The following FRY variants were observed in gnomAD, a reference collection of about 807,000 sequenced individuals.
The protein encoded by FRY is FRY microtubule binding protein, also known as protein furry homolog.
FRY carries 128 observed loss-of-function variants against 348.4 expected under a neutral mutation model. That is an observed-to-expected ratio of 0.37 (90% confidence interval 0.32 to 0.43). The LOEUF is 0.43. Ranked by LOEUF, FRY falls within the 20% of genes least tolerant of loss-of-function variation. The probability of loss-of-function intolerance (pLI) is 1.00; values close to 1 mark genes in which losing one functional copy is unlikely to be tolerated. For synonymous variants in FRY, 1,370 were observed against 1,374.7 expected (o/e 1.00, Z 0.08); for missense variants, 2,736 against 3,695.2 (o/e 0.74, Z 6.73).
chr13:32,156,195 A>G (rs1881095789), intron 15 of FRY, among the ~76,000 whole-genome samples: 1 of 152,232 alleles, frequency 6.6e-6, no homozygotes, highest in Non-Finnish European at 1.5e-5. Context: ...AAATGTAGAC[A>G]CCTACTACAA....
chr13:32,066,191 TA>T (rs1874248795), intron 1 of FRY, among the ~76,000 whole-genome samples: 1 of 152,238 alleles, frequency 6.6e-6, no homozygotes, highest in Non-Finnish European at 1.5e-5. Flanking sequence ...CCTTGACCTG[TA>T]GAAACTGGTA....
intron 3 of FRY, among the ~76,000 whole-genome samples, chr13:32,105,329 C>T (rs1311270830): frequency 6.6e-6 from 1 of 152,198 alleles, no homozygotes; most frequent in Non-Finnish European, 1.5e-5. Flanking sequence ...GAAGTAGAGA[C>T]CGAACCTTCA....
At chr13:32,242,508 C>A (rs2138475231) in intron 46 of FRY, among the ~76,000 whole-genome samples, 1 of 151,996 alleles carries the variant, frequency 6.6e-6, no homozygotes, top group East Asian at 1.9e-4. Context: ...TATAGATTTA[C>A]ATAATTATTT....
intron 43 of FRY, 47 bp downstream of exon 43, chr13:32,236,219 G>T (rs1271488061): frequency 1.8e-5 from 23 of 1,278,190 alleles, no homozygotes; most frequent in Non-Finnish European, 2.6e-5. Flanking sequence ...TACTGCACAG[G>T]AGTATTTGGG....
chr13:32,216,113 C>T (rs189752909), intron 35 of FRY, among the ~76,000 whole-genome samples: 4 of 152,206 alleles, frequency 2.6e-5, no homozygotes, highest in African/African-American at 9.6e-5. Flanking sequence ...CTGAGGGGAA[C>T]ATTTCATCCT....
intron 7 of FRY, 90 bp from the exon 8 acceptor site, chr13:32,131,582 C>T: frequency 1.2e-6 from 1 of 861,406 alleles, no homozygotes; most frequent in Non-Finnish European, 2.0e-6. Context: ...GATTCCATTG[C>T]TCTGCTCAAT....
At chr13:32,280,311 A>ACAATATTGTGTATACACAATATACAC (rs1888745870) in intron 58 of FRY, among the ~76,000 whole-genome samples, 1 of 152,258 alleles carries the variant, frequency 6.6e-6, no homozygotes, top group African/African-American at 2.4e-5. Context: ...TATACAGTTC[A>ACAATATTGTGTATACACAATATACAC]AAAATCACAA....
intron 11 of FRY, among the ~76,000 whole-genome samples, chr13:32,142,083 A>G (rs1880107392): frequency 6.6e-6 from 1 of 152,194 alleles, no homozygotes; most frequent in Non-Finnish European, 1.5e-5. Context: ...AAATGTCTGC[A>G]TCCTGAAAAT....
intron 1 of FRY, among the ~76,000 whole-genome samples, chr13:32,047,734 C>A (rs977274578): frequency 3.7e-5 from 3 of 81,682 alleles, no homozygotes; most frequent in African/African-American, 5.4e-5. Flanking sequence ...CCACTCCTGG[C>A]TAGTTTTTTT....
intron 11 of FRY, among the ~76,000 whole-genome samples, chr13:32,146,789 A>G (rs1388831909): frequency 2.0e-5 from 3 of 152,180 alleles, no homozygotes; most frequent in Non-Finnish European, 4.4e-5. Flanking sequence ...GGAAAGGATT[A>G]TCTTTTATCT....
chr13:32,226,057 T>C (rs778244376), intron 39 of FRY, 83 bp downstream of exon 39: 23 of 1,192,516 alleles, frequency 1.9e-5, no homozygotes, highest in Non-Finnish European at 2.5e-5. Context: ...GAGCCCAAGT[T>C]AACTTCTCTC....
At chr13:32,275,683 T>A (rs980798790) in intron 56 of FRY, among the ~76,000 whole-genome samples, 6 of 152,154 alleles carry the variant, frequency 3.9e-5, no homozygotes, top group Non-Finnish European at 8.8e-5. Flanking sequence ...AGAGGCAACA[T>A]GTCAATCAGT....
chr13:32,085,647 T>C (rs1446322526), intron 2 of FRY, among the ~76,000 whole-genome samples: 1 of 152,154 alleles, frequency 6.6e-6, no homozygotes, highest in Admixed American at 6.5e-5. Context: ...TAGGAGATGC[T>C]CATTTGTCCT....
At chr13:32,281,292 A>G (rs974738044) in intron 58 of FRY, among the ~76,000 whole-genome samples, 2 of 152,214 alleles carry the variant, frequency 1.3e-5, no homozygotes, top group Non-Finnish European at 2.9e-5. Context: ...CCATTTTGCA[A>G]CTAAGAAAAC....
chr13:32,084,481 C>G (rs544033399), intron 2 of FRY, among the ~76,000 whole-genome samples: 1 of 152,238 alleles, frequency 6.6e-6, no homozygotes, highest in African/African-American at 2.4e-5. Flanking sequence ...TTCTGCCTAC[C>G]CTTTAAGGCC....
intron 11 of FRY, among the ~76,000 whole-genome samples, chr13:32,144,752 A>G (rs1880295793): frequency 6.6e-6 from 1 of 152,208 alleles, no homozygotes; most frequent in South Asian, 2.1e-4. Context: ...GACCCCGTGC[A>G]GAACAGCAGA....
At chr13:32,220,400 C>A (rs538012392) in intron 36 of FRY, among the ~76,000 whole-genome samples, 1 of 152,308 alleles carries the variant, frequency 6.6e-6, no homozygotes, top group Non-Finnish European at 1.5e-5. Flanking sequence ...CCCTATAAAA[C>A]CTTCACTAGA....
At chr13:32,092,811 G>A (rs1876411818) in intron 2 of FRY, among the ~76,000 whole-genome samples, 1 of 152,154 alleles carries the variant, frequency 6.6e-6, no homozygotes, top group African/African-American at 2.4e-5. Context: ...CAAATGGGGA[G>A]AAATGAACAG....
chr13:32,163,851 C>T (rs1025812873), intron 17 of FRY, among the ~76,000 whole-genome samples: 1 of 152,160 alleles, frequency 6.6e-6, no homozygotes, highest in African/African-American at 2.4e-5. Context: ...TACATTCTTA[C>T]CAAGCCCAAA....
Sources: allele counts gnomAD v4.1 joint callset (sites outside exome capture counted in the v4.1 genomes callset), GRCh38; gene constraint gnomAD v4.1.1; transcripts MANE v1.5; gene names NCBI Gene and HGNC (gene_info 2026-07-23, HGNC 2026-07-21).